Variants in FKBP8 observed in about 807,000 individuals in gnomAD.
FKBP8 encodes the protein peptidyl-prolyl cis-trans isomerase FKBP8.
Under a neutral mutation model 41.7 loss-of-function variants are expected in FKBP8, and 5 were observed. The observed-to-expected ratio is 0.12, with a 90% CI of 0.06 to 0.25. The LOEUF is 0.25. FKBP8 is among the 10% of genes least tolerant of loss of function. FKBP8 has a pLI of 1.00. For missense variants in FKBP8, 397 were observed against 563.0 expected, an observed-to-expected ratio of 0.71 and a Z score of 2.98; for synonymous variants, 279 against 254.5, an observed-to-expected ratio of 1.10 and a Z score of -0.92.
chr19:18,532,961 C>G (rs1246341161), intron 7 of FKBP8, 166 bp from the exon 8 acceptor site: 1 of 1,170,334 alleles, frequency 8.5e-7, no homozygotes, highest in Non-Finnish European at 1.2e-6. Context: ...GACCCCATCC[C>G]TCCTAGGGAG....
intron 2 of FKBP8, 26 bp downstream of exon 2, chr19:18,541,653 C>T (rs1234664659): frequency 1.9e-6 from 3 of 1,575,694 alleles, no homozygotes; most frequent in East Asian, 4.5e-5. Context: ...GGGCCAAGGG[C>T]ACCCTGATCC....
At position 18,537,537 on chromosome 19, in the gene FKBP8, G is replaced by C; in HGVS notation, c.945+64C>G. ...ATACCTATGCCTTTCTCAAATGCAGGGTTGGGGACCACCCCGTATACCCCA... is the reference window on the plus strand; with the variant it reads ...ATACCTATGCCTTTCTCAAATGCAGCGTTGGGGACCACCCCGTATACCCCA... On this transcript the variant is annotated intron_variant, in intron 6 of 8. Coordinates refer to ENST00000608443, the MANE Select transcript of FKBP8 (RefSeq NM_012181.5). The surrounding 1 kb of genome is among the most constrained non-coding windows in gnomAD (Gnocchi z 4.4). 6.9e-7 allele frequency: 1 copy of C among 1,456,778 alleles called. No homozygotes were observed. Among genetic ancestry groups the C allele is most frequent in the South Asian group, 1.4e-5 (1 of 72,948 alleles). The allele number at this position is 1,456,778 out of a possible 1,614,324, so 90.2% of individuals were successfully genotyped here. A position where few individuals can be genotyped will look rare whatever the true frequency, so the allele number is the denominator to read the frequency against.
chr19:18,541,517 G>A (rs1338630744), intron 2 of FKBP8, among the ~76,000 whole-genome samples, 162 bp downstream of exon 2: 6 of 152,206 alleles, frequency 3.9e-5, no homozygotes, highest in Non-Finnish European at 7.3e-5. Flanking sequence ...TGAGTCAGTG[G>A]ATAGAGTACA....
In FKBP8 at chr19:18,533,741, T is replaced by G. The variant is rs536141362; in HGVS notation, c.946-394A>C. 1.3e-4 allele frequency among the ~76,000 whole-genome samples: 19 copies of G among 150,114 alleles called. No individual in the cohort carries two copies. In the East Asian group the frequency reaches 3.7e-3, roughly 29 times the overall value. On this transcript the variant is annotated intron_variant, in intron 6 of 8. Transcript: ENST00000608443. ...AAAAAAAAGGGTCGGGCGCAGTGGC[T>G]CATGCCTGTAATCCCAGCACTTTGG...
At position 18,537,594 on chromosome 19, in the gene FKBP8, G is replaced by A; in HGVS notation, c.945+7C>T. The A allele has an allele frequency of 1.9e-6, 3 of 1,584,216 alleles. No individual in the cohort carries two copies. Among genetic ancestry groups the A allele is most frequent in the Non-Finnish European group, 2.6e-6 (3 of 1,162,570 alleles). On this transcript the variant is annotated splice_region_variant and intron_variant, in intron 6 of 8. Transcript: ENST00000608443. The surrounding 1 kb of genome is among the most constrained non-coding windows in gnomAD (Gnocchi z 4.4). ...GTGACCCGGCCTGGCACCCCGGTGT[G>A]GCCTACCTTGCCCTTGCGGAAGAGA... is the stretch of plus-strand genomic sequence containing the variant.
In FKBP8 at chr19:18,541,795, C is replaced by A; in HGVS notation, c.176G>T (p.Gly59Val). ...LSELPPLEDM[G>V]QPPAEEAEQP... ...CTCAGCCTCCTCCGCCGGGGGTTGT[C>A]CCATGTCCTCCAGCGGTGGCAGCTC... is the stretch of plus-strand genomic sequence containing the variant. The change falls in exon 2 of 9, where the codon GGA becomes GTA. Residue 59 changes from glycine (G) to valine (V), a missense_variant. Gly to Val is a moderately radical substitution (Grantham distance 109). Coordinates refer to ENST00000608443, the MANE Select transcript of FKBP8 (RefSeq NM_012181.5). The A allele has an allele frequency of 2.5e-6, 4 of 1,613,904 alleles. No individual in the cohort carries two copies. The highest frequency in any genetic ancestry group is 3.4e-6 in the Non-Finnish European group (4 of 1,179,912).
chr19:18,539,243 G>A, intron 4 of FKBP8, 128 bp downstream of exon 4: 4 of 840,562 alleles, frequency 4.8e-6, no homozygotes, highest in Non-Finnish European at 7.5e-6. Context: ...TCAGGTGTGA[G>A]CCACCTCACC....
At chr19:18,542,877 C>G in intron 1 of FKBP8, 1 of 1,283,194 alleles carries the variant, frequency 7.8e-7, no homozygotes. Context: ...CATCCCCTCC[C>G]TAACCCTCAC....
Position 18,539,397 on chromosome 19 carries a change from G to C in FKBP8, c.525C>G (p.Ser175=), listed in dbSNP as rs771225655. ...TGCCTTGGGGGCCGTAGCAGTACTTGGAGTCAGCAGTGACCATGGCCGTCT... is the reference window on the plus strand; with the variant it reads ...TGCCTTGGGGGCCGTAGCAGTACTTCGAGTCAGCAGTGACCATGGCCGTCT... The part of the protein sequence containing the change: ...VGETAMVTAD[S]KYCYGPQGSR... The change falls in exon 4 of 9, where the codon TCC becomes TCG. Residue 175 remains serine (S), a synonymous_variant. Transcript: ENST00000608443. 5.6e-6 allele frequency: 9 copies of C among 1,613,358 alleles called. No individual in the cohort carries two copies. In the East Asian group the frequency reaches 2.0e-4, roughly 36 times the overall value.
Position 18,538,916 on chromosome 19 carries a change from G to A in FKBP8, c.551+455C>T, listed in dbSNP as rs532931903. 2.2e-4 allele frequency among the ~76,000 whole-genome samples: 32 copies of A among 145,266 alleles called. No individual in the cohort carries two copies. The highest frequency in any genetic ancestry group is 4.0e-4 in the Non-Finnish European group (27 of 67,274). On this transcript the variant is annotated intron_variant, in intron 4 of 8. Transcript: ENST00000608443. The surrounding 1 kb of genome is among the most constrained non-coding windows in gnomAD (Gnocchi z 4.0). ...TGCAAGCTCCGCCTCCCGGGTTCAC[G>A]CCATTTTCCTGCCTCAACCTCCAGA...
At chr19:18,540,332 G>A (rs1025209944) in intron 2 of FKBP8, among the ~76,000 whole-genome samples, 2 of 152,172 alleles carry the variant, frequency 1.3e-5, no homozygotes, top group Non-Finnish European at 2.9e-5. Context: ...CACACATGGT[G>A]GCTCATGCCT....
At chr19:18,542,891 C>T (rs1187549530) in intron 1 of FKBP8, 3 of 1,283,486 alleles carry the variant, frequency 2.3e-6, no homozygotes, top group Admixed American at 4.6e-5. Context: ...CCCTCACCTG[C>T]CTGCTCCTCC....
chr19:18,533,135 G>A, intron 7 of FKBP8, 135 bp downstream of exon 7: 3 of 831,170 alleles, frequency 3.6e-6, no homozygotes, highest in South Asian at 3.8e-5. Flanking sequence ...AGCTGACCAG[G>A]ACCCTTCAGG....
At chr19:18,534,553 G>A (rs191213126) in intron 6 of FKBP8, among the ~76,000 whole-genome samples, 241 of 151,900 alleles carry the variant, frequency 1.6e-3, no homozygotes, top group African/African-American at 4.2e-3. Context: ...GCGAGAGGCC[G>A]AATGGATGCT....
chr19:18,539,870 C>G (rs1359274515), intron 2 of FKBP8, 150 bp from the exon 3 acceptor site: 2 of 861,940 alleles, frequency 2.3e-6, no homozygotes, highest in African/African-American at 3.4e-5. Flanking sequence ...CTTCCAATGG[C>G]CACTCTGCCA....
chr19:18,540,333 G>A (rs1475712504), intron 2 of FKBP8, among the ~76,000 whole-genome samples: 1 of 152,180 alleles, frequency 6.6e-6, no homozygotes. Context: ...ACACATGGTG[G>A]CTCATGCCTG....
intron 6 of FKBP8, among the ~76,000 whole-genome samples, chr19:18,534,038 G>A (rs1976513414): frequency 1.3e-5 from 2 of 148,738 alleles, no homozygotes. Context: ...GGGCGCGGTG[G>A]CTCACACCTG....
At chr19:18,536,381 CA>C (rs1357382071) in intron 6 of FKBP8, among the ~76,000 whole-genome samples, 5 of 152,166 alleles carry the variant, frequency 3.3e-5, no homozygotes, top group African/African-American at 1.2e-4. Flanking sequence ...GTTTTTGACA[CA>C]GGGTCTTGCT....
At chr19:18,541,591 CCA>C (rs2145194388) in intron 2 of FKBP8, 86 bp downstream of exon 2, 1 of 1,518,212 alleles carries the variant, frequency 6.6e-7, no homozygotes, top group East Asian at 2.3e-5. Context: ...CACGTGACTT[CCA>C]ACCCTCACAG....
Sources: gnomAD v4.1 joint callset for allele counts (sites outside exome capture counted in the v4.1 genomes callset) on GRCh38, gnomAD v4.1.1 for gene constraint, Gnocchi (gnomAD v3.1) non-coding constraint, MANE v1.5 for transcripts, NCBI Gene and HGNC (gene_info 2026-07-23, HGNC 2026-07-21) for gene names.